The following SMG7 variants were observed in gnomAD, a reference collection of about 807,000 sequenced individuals.
SMG7 encodes the protein SMG7 nonsense mediated mRNA decay factor, also known as nonsense-mediated mRNA decay factor SMG7.
Under a neutral mutation model 148.2 loss-of-function variants are expected in SMG7, and 34 were observed. That is an observed-to-expected ratio of 0.23 (90% CI 0.17 to 0.31). The LOEUF (loss-of-function observed/expected upper bound fraction) is 0.31, where lower values mean the gene tolerates loss of function less well. Ranked by LOEUF, SMG7 falls within the 10% of genes least tolerant of loss-of-function variation. The pLI, the probability that SMG7 is intolerant of heterozygous loss-of-function variation, is 1.00. For synonymous variants in SMG7, 492 were observed against 515.1 expected (o/e 0.96, Z 0.61); for missense variants, 1,114 against 1,408.4 (o/e 0.79, Z 3.35).
rs1242648682 is a variant in SMG7, at chr1:183,542,455, A to T, written c.1795A>T (p.Thr599Ser). ...NKRKTETKKC[T>S]LEKLQETGKQ... is the part of the protein sequence containing the mutation. The stretch of plus-strand genomic sequence containing the variant: ...GAGGAAAACTGAAACCAAGAAATGC[A>T]CCTTAGAAAAGTTACAGGAAACAGG... The change falls in exon 14 of 23, where the codon ACC becomes TCC. Residue 599 changes from threonine (T) to serine (S), a missense_variant. Physicochemically the swap from Thr to Ser is moderately conservative, Grantham distance 58 (BLOSUM62 1). Transcript: ENST00000688051. 6.2e-7 allele frequency: 1 copy of T among 1,613,790 alleles called. No homozygotes were observed. The highest frequency in any genetic ancestry group is 8.5e-7 in the Non-Finnish European group (1 of 1,179,938).
At chr1:183,518,731 C>T (rs556070578) in intron 4 of SMG7, 10 of 152,216 alleles carry the variant, frequency 6.6e-5, no homozygotes, top group Admixed American at 5.9e-4. Flanking sequence ...TTTCTTTAAG[C>T]AGAATCTGTT....
At position 183,477,442 on chromosome 1, in the gene SMG7, A is replaced by G. The variant is rs12759609; in HGVS notation, c.29+4793A>G. On this transcript the variant is annotated intron_variant, in intron 1 of 22. Transcript: ENST00000688051. ...TGTATGTGTGCATATGTGTATATAT[A>G]CATATATACATGTGTGCATATGTGT... is the stretch of plus-strand genomic sequence containing the variant. 3.3e-3 allele frequency among the ~76,000 whole-genome samples: 499 copies of G among 150,924 alleles called. 1 individual carries two copies. The highest frequency in any genetic ancestry group is 8.2e-3 in the East Asian group (42 of 5,130).
chr1:183,532,528 C>T (rs183359559), intron 8 of SMG7, among the ~76,000 whole-genome samples: 53 of 152,206 alleles, frequency 3.5e-4, no homozygotes, highest in Middle Eastern at 3.4e-3. Flanking sequence ...TTGATGATCA[C>T]GCATGTACTT....
At chr1:183,526,544 A>C in intron 4 of SMG7, 52 bp from the exon 5 acceptor site, 1 of 1,240,164 alleles carries the variant, frequency 8.1e-7, no homozygotes, top group Non-Finnish European at 1.2e-6. Flanking sequence ...TATAAACTTT[A>C]CTTTTAGAGC....
intron 1 of SMG7, among the ~76,000 whole-genome samples, chr1:183,494,949 C>G (rs1658108504): frequency 6.6e-6 from 1 of 151,402 alleles, no homozygotes. Context: ...CTGCCTCAGC[C>G]TCCCGAGCAG....
intron 1 of SMG7, among the ~76,000 whole-genome samples, chr1:183,488,750 C>G (rs1051213781): frequency 8.0e-6 from 1 of 124,894 alleles, no homozygotes; most frequent in African/African-American, 3.1e-5. Context: ...CAGTGGCAGT[C>G]TCAGCTCACT....
At chr1:183,474,890 A>G (rs2101994660) in intron 1 of SMG7, among the ~76,000 whole-genome samples, 1 of 152,354 alleles carries the variant, frequency 6.6e-6, no homozygotes, top group South Asian at 2.1e-4. Context: ...TCCAAATGGA[A>G]GGAAACTGAG....
At chr1:183,519,915 C>T (rs888472343) in intron 4 of SMG7, among the ~76,000 whole-genome samples, 2 of 152,090 alleles carry the variant, frequency 1.3e-5, no homozygotes, top group African/African-American at 4.8e-5. Context: ...ATACTGTTGA[C>T]ACCATTTTGT....
intron 16 of SMG7, 111 bp downstream of exon 16, chr1:183,545,423 T>C: frequency 1.6e-6 from 2 of 1,274,144 alleles, no homozygotes; most frequent in Non-Finnish European, 2.2e-6. Context: ...CTTAGATTTA[T>C]AGTGATTATG....
intron 1 of SMG7, among the ~76,000 whole-genome samples, chr1:183,497,893 C>T (rs527705198): frequency 1.3e-5 from 2 of 152,246 alleles, no homozygotes; most frequent in South Asian, 4.1e-4. Flanking sequence ...TATTATACAG[C>T]ACCCATTTCT....
chr1:183,489,069 GTTT>G (rs1656269814), intron 1 of SMG7, among the ~76,000 whole-genome samples: 1 of 151,896 alleles, frequency 6.6e-6, no homozygotes, highest in African/African-American at 2.4e-5. Context: ...TGTGTTAGAT[GTTT>G]TCACCGACAG....
At chr1:183,546,446 C>T (rs1669947629) in intron 17 of SMG7, 109 bp downstream of exon 17, 3 of 1,148,074 alleles carry the variant, frequency 2.6e-6, no homozygotes, top group Non-Finnish European at 3.7e-6. Flanking sequence ...TTCGTTAGTA[C>T]TATAGAATGC....
At chr1:183,496,342 T>C (rs1227431891) in intron 1 of SMG7, among the ~76,000 whole-genome samples, 2 of 152,210 alleles carry the variant, frequency 1.3e-5, no homozygotes, top group South Asian at 4.1e-4. Flanking sequence ...GTTTCTCTAT[T>C]GGATCTTTTC....
At chr1:183,548,577 C>G (rs1670368725) in intron 18 of SMG7, among the ~76,000 whole-genome samples, 1 of 151,846 alleles carries the variant, frequency 6.6e-6, no homozygotes, top group African/African-American at 2.4e-5. Flanking sequence ...ATTAATGATA[C>G]AACGTATGTC....
intron 1 of SMG7, among the ~76,000 whole-genome samples, chr1:183,480,152 T>C (rs1653703561): frequency 6.6e-6 from 1 of 152,124 alleles, no homozygotes; most frequent in Non-Finnish European, 1.5e-5. Context: ...ACTGTACTCT[T>C]TAATGTTTAC....
At chr1:183,497,664 G>A (rs1433198075) in intron 1 of SMG7, among the ~76,000 whole-genome samples, 9 of 152,118 alleles carry the variant, frequency 5.9e-5, no homozygotes, top group South Asian at 2.1e-4. Context: ...CTGCCTCCCC[G>A]GTTCATGCGA....
intron 14 of SMG7, among the ~76,000 whole-genome samples, chr1:183,543,470 A>T (rs193087969): frequency 0.011 from 1,605 of 151,852 alleles, 9 homozygotes; most frequent in Non-Finnish European, 0.017. Flanking sequence ...AGAGAGAGAG[A>T]TGCTAGGGAA....
chr1:183,533,396 A>G, intron 9 of SMG7, 70 bp downstream of exon 9: 3 of 1,449,172 alleles, frequency 2.1e-6, no homozygotes, highest in Non-Finnish European at 2.9e-6. Flanking sequence ...TCATCGATGT[A>G]GCAAAGCACA....
In SMG7 at chr1:183,545,023, C is replaced by A. The variant is rs768342518; in HGVS notation, c.2081C>A (p.Thr694Asn). ...TFPAGVSVPG[T>N]FLQPTAHSPA... ...CCAGCTGGTGTTTCTGTCCCAGGAA[C>A]CTTTCTTCAGCCTACAGCTCACTCT... Residue 694 changes from threonine (T) to asparagine (N), a missense_variant, in exon 16 of 23, where the codon ACC (threonine) becomes AAC (asparagine). Transcript: ENST00000688051. 1 of 1,614,010 alleles carries A rather than the reference C, an allele frequency of 6.2e-7. No homozygotes were observed. Among genetic ancestry groups the A allele is most frequent in the Non-Finnish European group, 8.5e-7 (1 of 1,179,974 alleles).
Sources: gnomAD v4.1 joint callset for allele counts (sites outside exome capture counted in the v4.1 genomes callset) on GRCh38, gnomAD v4.1.1 for gene constraint, MANE v1.5 for transcripts, NCBI Gene and HGNC (gene_info 2026-07-23, HGNC 2026-07-21) for gene names.